The following RALGPS2 variants were observed in gnomAD, a reference collection of about 807,000 sequenced individuals.
RALGPS2 encodes ras-specific guanine nucleotide-releasing factor RalGPS2.
In RALGPS2, 43 loss-of-function variants were observed where a neutral mutation model predicts 86.8. The observed-to-expected ratio is 0.50, with a 90% CI of 0.39 to 0.64. The LOEUF (loss-of-function observed/expected upper bound fraction) is 0.64. RALGPS2 is among the 30% of genes least tolerant of loss of function. RALGPS2 has a pLI of 0.00. For missense variants in RALGPS2, 536 were observed against 694.6 expected, an observed-to-expected ratio of 0.77 and a Z score of 2.57; for synonymous variants, 243 against 231.3, an observed-to-expected ratio of 1.05 and a Z score of -0.46.
At chr1:178,787,484 C>G (rs1423050737) in intron 4 of RALGPS2, among the ~76,000 whole-genome samples, 1 of 152,144 alleles carries the variant, frequency 6.6e-6, no homozygotes, top group East Asian at 1.9e-4. Flanking sequence ...CTCCGCTAAG[C>G]CTTCAAATCC....
At position 178,920,989 on chromosome 1, in the gene RALGPS2, G is replaced by GT. The variant is rs1351764129; in HGVS notation, c.*4636dup. On this transcript the variant is annotated 3_prime_UTR_variant, in exon 20 of 20. Coordinates refer to ENST00000367635, the MANE Select transcript of RALGPS2 (RefSeq NM_152663.5). ...AAAGGAAAGTTAAGAGACTAAGCTA[G>GT]TTTTTTCAGTGAAAGCAAAGTTGGA... 1 of 152,012 alleles carries GT rather than the reference G, an allele frequency of 6.6e-6. No individual in the cohort carries two copies. The highest frequency in any genetic ancestry group is 2.4e-5 in the African/African-American group (1 of 41,430). 9.4% of individuals were successfully genotyped at this position (152,012 alleles called of 1,614,324 possible).
At chr1:178,832,175 A>G (rs1458005617) in intron 7 of RALGPS2, among the ~76,000 whole-genome samples, 1 of 152,198 alleles carries the variant, frequency 6.6e-6, no homozygotes, top group African/African-American at 2.4e-5. Context: ...GTATCTTGAA[A>G]GTGGAGTAAG....
At position 178,878,964 on chromosome 1, in the gene RALGPS2, C is replaced by G; in HGVS notation, c.808C>G (p.Gln270Glu). Residue 270 changes from glutamine to glutamate, a missense_variant, in exon 10 of 20, where the codon CAA (glutamine) becomes GAA (glutamate). By Grantham distance (29) the Gln-to-Glu change is conservative. Around this residue, in one of 3 missense-constraint regions of RALGPS2, gnomAD observed 184 missense variants for 296.7 expected, o/e 0.62. Transcript: ENST00000367635. ...CTCTGTTCAGTATATAGAAGAACTA[C>G]AAAAATTTGTGGAAGACGATAATTA... ...LNSVQYIEEL[Q>E]KFVEDDNYKL... 1 of 1,612,278 alleles carries G rather than the reference C, an allele frequency of 6.2e-7. No homozygotes were observed. The highest frequency in any genetic ancestry group is 8.5e-7 in the Non-Finnish European group (1 of 1,179,314).
At chr1:178,829,791 C>CTGTAGCG (rs1472203575) in intron 7 of RALGPS2, among the ~76,000 whole-genome samples, 3 of 152,018 alleles carry the variant, frequency 2.0e-5, no homozygotes. Flanking sequence ...ATCACCCAGG[C>CTGTAGCG]TGTAGCGCAG....
chr1:178,789,252 C>T (rs1653837421), intron 4 of RALGPS2, among the ~76,000 whole-genome samples: 1 of 152,088 alleles, frequency 6.6e-6, no homozygotes, highest in African/African-American at 2.4e-5. Context: ...TGGCAAAGAG[C>T]ATAGGGGAAG....
chr1:178,816,029 C>G (rs1255044638), intron 6 of RALGPS2, among the ~76,000 whole-genome samples: 1 of 152,170 alleles, frequency 6.6e-6, no homozygotes, highest in Non-Finnish European at 1.5e-5. Context: ...ATGAATAAAA[C>G]TGTTATGAAC....
intron 1 of RALGPS2, among the ~76,000 whole-genome samples, chr1:178,771,001 G>C (rs1251085229): frequency 2.6e-5 from 4 of 151,200 alleles, no homozygotes; most frequent in Non-Finnish European, 5.9e-5. Context: ...ACCACGCCCA[G>C]CTAAATTTTG....
chr1:178,856,202 GATATATATAT>G (rs55797277), intron 8 of RALGPS2, among the ~76,000 whole-genome samples: 5,576 of 83,904 alleles, frequency 0.066, 202 homozygotes, highest in Non-Finnish European at 0.082. Context: ...GAGAGAGAGA[GATATATATAT>G]ATATATATAT....
At chr1:178,822,911 C>T (rs1572367994) in intron 7 of RALGPS2, among the ~76,000 whole-genome samples, 3 of 152,194 alleles carry the variant, frequency 2.0e-5, no homozygotes, top group African/African-American at 4.8e-5. Context: ...CCCCCAACTC[C>T]TGGGCTCAGA....
chr1:178,809,785 G>A (rs1654891489), intron 5 of RALGPS2, among the ~76,000 whole-genome samples: 1 of 152,020 alleles, frequency 6.6e-6, no homozygotes, highest in Non-Finnish European at 1.5e-5. Context: ...TCCAGCAATC[G>A]AGGCAGGGGC....
intron 1 of RALGPS2, chr1:178,746,568 G>A: frequency 1.5e-6 from 1 of 651,894 alleles, no homozygotes; most frequent in East Asian, 2.9e-5. Context: ...ACAACTGTGA[G>A]GCAATCTAGA....
intron 7 of RALGPS2, among the ~76,000 whole-genome samples, chr1:178,823,328 G>T (rs1655598023): frequency 6.6e-6 from 1 of 152,188 alleles, no homozygotes; most frequent in Non-Finnish European, 1.5e-5. Flanking sequence ...TATGCACTCT[G>T]TAATTGCTTG....
chr1:178,812,463 A>G (rs1279048922), intron 6 of RALGPS2, among the ~76,000 whole-genome samples: 2 of 152,228 alleles, frequency 1.3e-5, no homozygotes, highest in Non-Finnish European at 2.9e-5. Flanking sequence ...GAGGATGCTC[A>G]GAGGAAGCCT....
Position 178,897,771 on chromosome 1 carries a change from T to C in RALGPS2, c.1524+15T>C. ...AAAGAAAACATGTAAGTATTTGTTC[T>C]CTACATTTTTAGCGTGGTTTCCCAG... On this transcript the variant is annotated intron_variant, in intron 17 of 19. Coordinates refer to ENST00000367635, the MANE Select transcript of RALGPS2 (RefSeq NM_152663.5). The C allele has an allele frequency of 6.3e-7, 1 of 1,595,442 alleles. No homozygotes were observed. The highest frequency in any genetic ancestry group is 8.6e-7 in the Non-Finnish European group (1 of 1,163,786).
intron 1 of RALGPS2, among the ~76,000 whole-genome samples, chr1:178,761,559 T>A (rs1343302469): frequency 1.3e-5 from 2 of 151,818 alleles, no homozygotes; most frequent in Non-Finnish European, 2.9e-5. Context: ...TTGTTTTTAT[T>A]TGTTTGTTTG....
intron 1 of RALGPS2, among the ~76,000 whole-genome samples, chr1:178,766,802 G>A (rs1488357239): frequency 6.6e-6 from 1 of 152,220 alleles, no homozygotes; most frequent in African/African-American, 2.4e-5. Flanking sequence ...CTTTAGTGAG[G>A]TTGAGGAAAT....
Position 178,897,775 on chromosome 1 carries a change from C to G in RALGPS2, c.1524+19C>G, listed in dbSNP as rs1422614690. On this transcript the variant is annotated intron_variant, in intron 17 of 19. Coordinates refer to ENST00000367635, the MANE Select transcript of RALGPS2 (RefSeq NM_152663.5). ...AAAACATGTAAGTATTTGTTCTCTA[C>G]ATTTTTAGCGTGGTTTCCCAGACTG... The G allele has an allele frequency of 6.3e-7, 1 of 1,590,124 alleles. No individual in the cohort carries two copies. Among genetic ancestry groups the G allele is most frequent in the Non-Finnish European group, 8.6e-7 (1 of 1,159,160 alleles).
chr1:178,844,028 T>A (rs989880045), intron 8 of RALGPS2, among the ~76,000 whole-genome samples: 5 of 152,172 alleles, frequency 3.3e-5, no homozygotes, highest in Non-Finnish European at 5.9e-5. Flanking sequence ...TCTATTCATG[T>A]GAAGGGAGGC....
chr1:178,794,042 T>C (rs1332424834), intron 4 of RALGPS2, among the ~76,000 whole-genome samples: 2 of 152,224 alleles, frequency 1.3e-5, no homozygotes, highest in Admixed American at 6.5e-5. Flanking sequence ...ATATTTCTTA[T>C]ATACATAGTT....
Sources: gnomAD v4.1 joint callset for allele counts (sites outside exome capture counted in the v4.1 genomes callset) on GRCh38, gnomAD v4.1.1 for gene constraint, gnomAD v4.1.1 regional missense constraint, MANE v1.5 for transcripts, NCBI Gene and HGNC (gene_info 2026-07-23, HGNC 2026-07-21) for gene names.